The following FSTL5 variants were observed in gnomAD, a reference collection of about 807,000 sequenced individuals.
FSTL5 encodes the protein follistatin like 5, also known as follistatin-related protein 5.
A neutral mutation model predicts 89.1 loss-of-function variants in FSTL5; 62 were observed. That is an observed-to-expected ratio of 0.70 (90% confidence interval 0.57 to 0.86). The LOEUF (loss-of-function observed/expected upper bound fraction) is 0.86, where lower values mean the gene tolerates loss of function less well. FSTL5 is among the 40% of genes least tolerant of loss of function. The pLI, the probability that FSTL5 is intolerant of heterozygous loss-of-function variation, is 0.00. For missense variants in FSTL5, 1,057 were observed against 1,001.6 expected (o/e 1.06, Z -0.75); for synonymous variants, 383 against 346.2 (o/e 1.11, Z -1.18).
At position 161,529,702 on chromosome 4, in the gene FSTL5, GT is replaced by G. The variant is rs1185391045; in HGVS notation, c.1312+8463del. ...TGATTTATTTTTTCCATAAATATTTGTTTTTATTTGGTTCTATTTGACTCTA... is the reference window on the plus strand; with the variant it reads ...TGATTTATTTTTTCCATAAATATTTGTTTTATTTGGTTCTATTTGACTCTA... On this transcript the variant is annotated intron_variant, in intron 10 of 15. Coordinates refer to ENST00000306100, the MANE Select transcript of FSTL5 (RefSeq NM_020116.5). Among the ~76,000 whole-genome samples, 13 of 141,086 alleles carry G rather than the reference GT, an allele frequency of 9.2e-5. 3 individuals carry two copies. The highest frequency in any genetic ancestry group is 3.3e-4 in the African/African-American group (13 of 39,692). The allele number at this position is 141,086 out of a possible 152,430, so 92.6% of individuals were successfully genotyped here.
chr4:162,064,733 C>T (rs1738832416), intron 2 of FSTL5, among the ~76,000 whole-genome samples: 1 of 151,980 alleles, frequency 6.6e-6, no homozygotes, highest in Admixed American at 6.6e-5. Flanking sequence ...TATGGGTACA[C>T]CATCCATGCC....
intron 4 of FSTL5, among the ~76,000 whole-genome samples, chr4:161,803,879 A>T (rs1158105015): frequency 6.6e-6 from 1 of 152,006 alleles, no homozygotes; most frequent in African/African-American, 2.4e-5. Flanking sequence ...CACAAAGTTA[A>T]AATAAAGGTA....
At chr4:161,665,727 A>C (rs1736869758) in intron 6 of FSTL5, among the ~76,000 whole-genome samples, 1 of 152,020 alleles carries the variant, frequency 6.6e-6, no homozygotes, top group African/African-American at 2.4e-5. Context: ...TAATAAAATT[A>C]ACATATTTAC....
At chr4:161,781,897 T>G (rs1316984637) in intron 4 of FSTL5, among the ~76,000 whole-genome samples, 1 of 152,182 alleles carries the variant, frequency 6.6e-6, no homozygotes, top group East Asian at 1.9e-4. Context: ...ACTCCATCTA[T>G]TCATCACTTT....
chr4:161,767,002 A>G (rs916080501), intron 5 of FSTL5, among the ~76,000 whole-genome samples: 20 of 152,068 alleles, frequency 1.3e-4, no homozygotes, highest in African/African-American at 3.6e-4. Flanking sequence ...TGACTCTCCT[A>G]TCCTCTCCCC....
At chr4:162,061,951 A>T (rs1738730922) in intron 2 of FSTL5, among the ~76,000 whole-genome samples, 2 of 152,158 alleles carry the variant, frequency 1.3e-5, no homozygotes, top group South Asian at 4.1e-4. Flanking sequence ...TAAATAGTGC[A>T]TGTACTAAGA....
intron 4 of FSTL5, among the ~76,000 whole-genome samples, chr4:161,795,916 G>A (rs1729618390): frequency 6.6e-6 from 1 of 151,746 alleles, no homozygotes; most frequent in African/African-American, 2.4e-5. Context: ...CATTGATTTG[G>A]CTTTTGGGGG....
Position 161,548,987 on chromosome 4 carries a change from T to C in FSTL5, c.1016-6294A>G, listed in dbSNP as rs1213495230. 7.2e-5 allele frequency among the ~76,000 whole-genome samples: 11 copies of C among 151,902 alleles called. No homozygotes were observed. The East Asian group carries it at 1.9e-3, about 27-fold the overall frequency. On this transcript the variant is annotated intron_variant, in intron 8 of 15. Transcript: ENST00000306100. ...TAAATCTATTCACATTGAAAGCAAA[T>C]AGTTCTGGATGGCTGAATTTTCTTA...
chr4:161,668,246 T>C (rs1736967120), intron 6 of FSTL5, among the ~76,000 whole-genome samples: 5 of 152,176 alleles, frequency 3.3e-5, no homozygotes, highest in Admixed American at 3.3e-4. Flanking sequence ...AAAAATTCTG[T>C]GCCCACAAAT....
At chr4:162,048,598 TAC>T (rs34979000) in intron 2 of FSTL5, among the ~76,000 whole-genome samples, 16,889 of 149,370 alleles carry the variant, frequency 0.11, 1,246 homozygotes, top group East Asian at 0.3. Context: ...ATTATACACA[TAC>T]ACACACACAC....
chr4:161,701,420 A>G (rs531894326), intron 6 of FSTL5, among the ~76,000 whole-genome samples: 1 of 152,284 alleles, frequency 6.6e-6, no homozygotes, highest in South Asian at 2.1e-4. Flanking sequence ...TAGTAGATAT[A>G]GGTTAAAACA....
At chr4:161,607,527 A>C (rs920162430) in intron 7 of FSTL5, among the ~76,000 whole-genome samples, 2 of 152,188 alleles carry the variant, frequency 1.3e-5, no homozygotes, top group African/African-American at 4.8e-5. Context: ...AAGTATTAAA[A>C]ACTTTCTCTA....
chr4:162,010,692 A>G (rs779513567), intron 3 of FSTL5, among the ~76,000 whole-genome samples: 3 of 152,238 alleles, frequency 2.0e-5, no homozygotes, highest in Non-Finnish European at 2.9e-5. Flanking sequence ...AAACAAAACC[A>G]TAGAAAATGT....
intron 6 of FSTL5, among the ~76,000 whole-genome samples, chr4:161,666,739 G>A (rs1289696149): frequency 6.6e-6 from 1 of 152,078 alleles, no homozygotes; most frequent in Non-Finnish European, 1.5e-5. Flanking sequence ...CTGAGGAAAA[G>A]GGGCCAGTAG....
intron 10 of FSTL5, among the ~76,000 whole-genome samples, chr4:161,513,605 T>C (rs1442761880): frequency 2.6e-5 from 4 of 152,006 alleles, no homozygotes; most frequent in Non-Finnish European, 5.9e-5. Flanking sequence ...CCATCAGTGG[T>C]AGACTGGGTA....
At chr4:161,908,123 G>C (rs2110818624) in intron 4 of FSTL5, among the ~76,000 whole-genome samples, 1 of 151,938 alleles carries the variant, frequency 6.6e-6, no homozygotes, top group East Asian at 1.9e-4. Flanking sequence ...AAAAGAATGA[G>C]AGTCCCTGCA....
intron 4 of FSTL5, among the ~76,000 whole-genome samples, chr4:161,874,252 C>CT (rs1368402505): frequency 6.6e-6 from 1 of 151,966 alleles, no homozygotes; most frequent in Non-Finnish European, 1.5e-5. Flanking sequence ...TCTTAGCTCT[C>CT]TTAAGGCTTT....
chr4:161,516,410 A>AT (rs1205135275), intron 10 of FSTL5, among the ~76,000 whole-genome samples: 22 of 140,406 alleles, frequency 1.6e-4, no homozygotes, highest in African/African-American at 3.7e-4. Flanking sequence ...GTAAATATAT[A>AT]TTTTTTTACA....
At chr4:161,660,623 C>T (rs950755229) in intron 6 of FSTL5, among the ~76,000 whole-genome samples, 1 of 152,020 alleles carries the variant, frequency 6.6e-6, no homozygotes, top group African/African-American at 2.4e-5. Context: ...CTCCTTCCTC[C>T]CACCCTCCAT....
Sources: allele counts gnomAD v4.1 joint callset (sites outside exome capture counted in the v4.1 genomes callset), GRCh38; gene constraint gnomAD v4.1.1; transcripts MANE v1.5; gene names NCBI Gene and HGNC (gene_info 2026-07-23, HGNC 2026-07-21).